PLCH2: variants seen among roughly 807,000 people sequenced by gnomAD.
PLCH2 encodes phospholipase C eta 2.
A neutral mutation model predicts 134.7 loss-of-function variants in PLCH2; 98 were observed. That is an observed-to-expected ratio of 0.73 (90% confidence interval 0.62 to 0.86). The LOEUF is 0.86. PLCH2 is among the 40% of genes least tolerant of loss of function. PLCH2 has a pLI of 0.00. For missense variants in PLCH2, 1,994 were observed against 1,986.6 expected (o/e 1.00, Z -0.07); for synonymous variants, 974 against 827.5 (o/e 1.18, Z -3.04).
At chr1:2,426,467 T>A (rs1381348774) in intron 1 of PLCH2, among the ~76,000 whole-genome samples, 2 of 152,216 alleles carry the variant, frequency 1.3e-5, no homozygotes, top group Non-Finnish European at 2.9e-5. Context: ...AGCAGCCTCC[T>A]GAGTCCCCAT....
At chr1:2,479,167 G>C in intron 2 of PLCH2, 1 of 165,724 alleles carries the variant, frequency 6.0e-6, no homozygotes, top group South Asian at 1.7e-4. Context: ...GCGCAGCCAG[G>C]GTTTCTGATG....
intron 20 of PLCH2, chr1:2,501,729 G>C: frequency 4.7e-6 from 1 of 213,782 alleles, no homozygotes; most frequent in Non-Finnish European, 9.2e-6. Flanking sequence ...CGGGGGCTGC[G>C]GGCCTCTGAG....
At chr1:2,418,745 G>A in the PLCH2 span, among the ~76,000 whole-genome samples, 1 of 152,236 alleles carries the variant, frequency 6.6e-6, no homozygotes, top group Non-Finnish European at 1.5e-5. Flanking sequence ...GAGTGGGAGT[G>A]AGCCGTGTGC....
At chr1:2,445,593 G>A (rs1208472668) in intron 2 of PLCH2, among the ~76,000 whole-genome samples, 2 of 152,030 alleles carry the variant, frequency 1.3e-5, no homozygotes, top group African/African-American at 4.8e-5. Context: ...GTGGGGACAG[G>A]TTGGCAGCGG....
chr1:2,467,442 GCCTTCCTCA>G (rs74797132), upstream of PLCH2: 163,824 of 389,852 alleles, frequency 0.42, 36,397 homozygotes, highest in African/African-American at 0.59. Context: ...CCTTCCCCTC[GCCTTCCTCA>G]CCTTCCTCAC....
At chr1:2,437,589 C>T (rs920210392) in intron 2 of PLCH2, among the ~76,000 whole-genome samples, 1 of 152,138 alleles carries the variant, frequency 6.6e-6, no homozygotes, top group Non-Finnish European at 1.5e-5. Flanking sequence ...GCCTCCACCC[C>T]TTCAGAACCA....
Position 2,487,279 on chromosome 1 carries a change from G to A in PLCH2, c.1017G>A (p.Ser339=), listed in dbSNP as rs143425245. 3.0e-5 allele frequency: 49 copies of A among 1,613,734 alleles called. No individual in the cohort carries two copies. The highest frequency in any genetic ancestry group is 4.0e-5 in the African/African-American group (3 of 75,040). ...TQPLSHYFIT[S]SHNTYLVGDQ... is the part of the protein sequence containing the mutation. Reference sequence around the variant, plus strand: ...CGCTGAGCCACTACTTCATCACCTCGTCCCACAACACCTACCTCGTGGGTG... The same window carrying A: ...CGCTGAGCCACTACTTCATCACCTCATCCCACAACACCTACCTCGTGGGTG... Residue 339 remains serine, a synonymous_variant, in exon 7 of 22, where the codon TCG becomes TCA. Coordinates refer to ENST00000378486, the MANE Select transcript of PLCH2 (RefSeq NM_014638.4).
chr1:2,462,989 A>G (rs1381762093), upstream of PLCH2, among the ~76,000 whole-genome samples: 1 of 152,218 alleles, frequency 6.6e-6, no homozygotes, highest in Non-Finnish European at 1.5e-5. Flanking sequence ...TTGATGTTGA[A>G]TAATTAATGA....
intron 4 of PLCH2, among the ~76,000 whole-genome samples, chr1:2,480,609 G>C (rs979766008): frequency 6.6e-6 from 1 of 152,130 alleles, no homozygotes; most frequent in African/African-American, 2.4e-5. Context: ...CAGGTGAGTG[G>C]ACTGGGCATT....
chr1:2,430,762 G>A (rs891573562), intron 2 of PLCH2: 3 of 152,304 alleles, frequency 2.0e-5, no homozygotes, highest in African/African-American at 7.2e-5. Flanking sequence ...GTCCCGTGAT[G>A]TCACCTGGGG....
intron 2 of PLCH2, among the ~76,000 whole-genome samples, chr1:2,455,794 G>A (rs1019236457): frequency 6.6e-6 from 1 of 152,248 alleles, no homozygotes; most frequent in East Asian, 1.9e-4. Flanking sequence ...AGCCCCTCGG[G>A]CCCTCCACCC....
chr1:2,489,439 C>T, intron 9 of PLCH2, 61 bp downstream of exon 9: 2 of 1,551,986 alleles, frequency 1.3e-6, no homozygotes, highest in Non-Finnish European at 1.8e-6. Flanking sequence ...TGCAGCAGTG[C>T]CCTGCTCCAG....
At position 2,469,240 on chromosome 1, in the gene PLCH2, C is replaced by T. The variant is rs56368227; in HGVS notation, c.43+1578C>T. On this transcript the variant is annotated intron_variant, in intron 1 of 21. Coordinates refer to the PLCH2 transcript ENST00000449969. The stretch of plus-strand genomic sequence containing the variant: ...GCTGTGGACAGGGGCTGGCTGCTGC[C>T]GGGTGGCCCCAAAGCCCCAGGTTCC... Among the ~76,000 whole-genome samples, 1,517 of 152,294 alleles carry T rather than the reference C, an allele frequency of 1.0e-2. 13 individuals are homozygous for T. Among genetic ancestry groups the T allele is most frequent in the Non-Finnish European group, 0.017 (1,130 of 68,024 alleles).
upstream of PLCH2, among the ~76,000 whole-genome samples, chr1:2,425,147 A>G (rs1222922868): frequency 7.5e-6 from 1 of 133,100 alleles, no homozygotes; most frequent in Non-Finnish European, 1.5e-5. Flanking sequence ...TAGGCGATAG[A>G]GTGTGACACT....
chr1:2,489,923 G>T (rs1642478991), intron 10 of PLCH2, 56 bp downstream of exon 10: 2 of 1,261,490 alleles, frequency 1.6e-6, no homozygotes, highest in Middle Eastern at 1.9e-4. Flanking sequence ...CCCAAGAACA[G>T]CTGTCCGTCC....
intron 11 of PLCH2, 111 bp downstream of exon 11, chr1:2,491,446 A>G: frequency 1.8e-6 from 2 of 1,116,566 alleles, no homozygotes; most frequent in Non-Finnish European, 2.6e-6. Flanking sequence ...ACACCTGTGC[A>G]CACACAAATC....
intron 15 of PLCH2, 103 bp from the exon 16 acceptor site, chr1:2,497,399 C>A: frequency 1.3e-6 from 1 of 750,422 alleles, no homozygotes; most frequent in Non-Finnish European, 2.2e-6. Flanking sequence ...ACGGCAGATA[C>A]GCGGCAGCTG....
chr1:2,479,592 C>A, intron 2 of PLCH2, 142 bp from the exon 3 acceptor site: 1 of 780,172 alleles, frequency 1.3e-6, no homozygotes, highest in Non-Finnish European at 2.0e-6. Flanking sequence ...GGTTCTTGAA[C>A]TCTGGACCCT....
chr1:2,487,516 G>A (rs569085344), intron 7 of PLCH2, 82 bp from the exon 8 acceptor site: 20 of 1,527,938 alleles, frequency 1.3e-5, no homozygotes, highest in Middle Eastern at 2.1e-4. Context: ...AATGGGACAG[G>A]CCCTCTTTTG....
Sources: allele counts gnomAD v4.1 joint callset (sites outside exome capture counted in the v4.1 genomes callset), GRCh38; gene constraint gnomAD v4.1.1; transcripts MANE v1.5; gene names NCBI Gene and HGNC (gene_info 2026-07-23, HGNC 2026-07-21).